DYSF: variants seen among roughly 807,000 people sequenced by gnomAD.
DYSF encodes the protein dystrophy-associated fer-1-like 1.
A neutral mutation model predicts 274.9 loss-of-function variants in DYSF; 212 were observed. The ratio of observed to expected loss-of-function variants is 0.77; its 90% confidence interval spans 0.69 to 0.86. The LOEUF is 0.86. DYSF is among the 40% of genes least tolerant of loss of function. DYSF has a pLI of 0.00. For synonymous variants in DYSF, 1,091 were observed against 1,078.7 expected, an observed-to-expected ratio of 1.01 and a Z score of -0.22; for missense variants, 2,666 against 2,783.2, an observed-to-expected ratio of 0.96 and a Z score of 0.95.
At chr2:71,580,222 C>T (rs2092840612) in intron 30 of DYSF, among the ~76,000 whole-genome samples, 1 of 152,226 alleles carries the variant, frequency 6.6e-6, no homozygotes, top group South Asian at 2.1e-4. Flanking sequence ...CTGGGGCAGT[C>T]GGGCAGCTAG....
intron 44 of DYSF, among the ~76,000 whole-genome samples, chr2:71,660,123 G>T (rs1423654783): frequency 1.3e-5 from 2 of 152,232 alleles, no homozygotes; most frequent in Non-Finnish European, 2.9e-5. Flanking sequence ...TGGCTGAGGG[G>T]TGCTGCTGCT....
chr2:71,601,627 A>G (rs2093553283), intron 35 of DYSF, 99 bp downstream of exon 35: 1 of 1,516,540 alleles, frequency 6.6e-7, no homozygotes, highest in South Asian at 1.1e-5. Context: ...CATTACCGCG[A>G]TCCTGCCTCA....
intron 41 of DYSF, among the ~76,000 whole-genome samples, chr2:71,636,923 A>G (rs1367537242): frequency 6.6e-6 from 1 of 152,108 alleles, no homozygotes; most frequent in Non-Finnish European, 1.5e-5. Context: ...GCGAGGGGAG[A>G]TGCTTCAGGG....
chr2:71,634,404 C>A (rs950379234), intron 41 of DYSF, among the ~76,000 whole-genome samples: 1 of 152,112 alleles, frequency 6.6e-6, no homozygotes, highest in Non-Finnish European at 1.5e-5. Context: ...GCTTTGGCAC[C>A]TCTGAGTTCA....
intron 41 of DYSF, among the ~76,000 whole-genome samples, chr2:71,642,762 A>G (rs1366676546): frequency 6.6e-6 from 1 of 152,208 alleles, no homozygotes; most frequent in Admixed American, 6.5e-5. Context: ...TCTCCCCAGG[A>G]TGCCTGTTCA....
chr2:71,686,738 T>G lies in DYSF; in HGVS notation c.*246T>G. 3.5e-6 allele frequency: 2 copies of G among 567,292 alleles called. No homozygotes were observed. Among genetic ancestry groups the G allele is most frequent in the Non-Finnish European group, 6.4e-6 (2 of 312,900 alleles). 35.1% of individuals were successfully genotyped at this position (567,292 alleles called of 1,614,324 possible). On this transcript the variant is annotated 3_prime_UTR_variant, in exon 56 of 56. Transcript: ENST00000410020. ...CTTTTTTGGATCAGCTCAGACATATTTCAGTATAAAACAGTTGGAACCACA... is the reference window on the plus strand; with the variant it reads ...CTTTTTTGGATCAGCTCAGACATATGTCAGTATAAAACAGTTGGAACCACA...
At chr2:71,560,377 C>A (rs1446019042) in intron 22 of DYSF, among the ~76,000 whole-genome samples, 1 of 85,698 alleles carries the variant, frequency 1.2e-5, no homozygotes, top group Admixed American at 1.2e-4. Flanking sequence ...GACCCGCTTG[C>A]CCCCGCTCTC....
intron 1 of DYSF, among the ~76,000 whole-genome samples, chr2:71,470,291 A>G (rs950659512): frequency 1.4e-4 from 22 of 152,058 alleles, no homozygotes; most frequent in Non-Finnish European, 3.1e-4. Context: ...GTCAGGGAAC[A>G]CTCTTAACTC....
At chr2:71,591,779 C>G (rs143973665) in intron 32 of DYSF, among the ~76,000 whole-genome samples, 1 of 152,206 alleles carries the variant, frequency 6.6e-6, no homozygotes, top group African/African-American at 2.4e-5. Flanking sequence ...CACTCTCCTC[C>G]GCGATGTGGG....
At chr2:71,648,177 AT>A (rs1282686505) in intron 42 of DYSF, among the ~76,000 whole-genome samples, 1 of 152,228 alleles carries the variant, frequency 6.6e-6, no homozygotes, top group Non-Finnish European at 1.5e-5. Context: ...TACTTGAAAA[AT>A]TTTGCCAAGG....
At chr2:71,527,321 C>T (rs570237957) in intron 13 of DYSF, among the ~76,000 whole-genome samples, 1 of 152,294 alleles carries the variant, frequency 6.6e-6, no homozygotes, top group African/African-American at 2.4e-5. Context: ...ACAACTTTTC[C>T]ATAAAGGTAA....
At chr2:71,637,708 G>T (rs947237495) in intron 41 of DYSF, among the ~76,000 whole-genome samples, 2 of 152,168 alleles carry the variant, frequency 1.3e-5, no homozygotes, top group African/African-American at 4.8e-5. Flanking sequence ...GGTGGCACTG[G>T]CCAGAAGTAC....
chr2:71,534,381 C>G (rs960039817), intron 14 of DYSF, among the ~76,000 whole-genome samples: 1 of 152,202 alleles, frequency 6.6e-6, no homozygotes, highest in Non-Finnish European at 1.5e-5. Flanking sequence ...TCCTTATGGA[C>G]TCCAAGGCCA....
At chr2:71,587,257 G>T (rs1160456985) in intron 30 of DYSF, among the ~76,000 whole-genome samples, 1 of 152,214 alleles carries the variant, frequency 6.6e-6, no homozygotes, top group African/African-American at 2.4e-5. Context: ...GGGGCCCAGG[G>T]CTTCCATACC....
intron 3 of DYSF, among the ~76,000 whole-genome samples, chr2:71,491,568 C>G (rs777135843): frequency 4.6e-5 from 7 of 152,210 alleles, no homozygotes; most frequent in Non-Finnish European, 8.8e-5. Flanking sequence ...CCTCCTCCCA[C>G]CCTCCACCCT....
chr2:71,539,324 A>G, intron 17 of DYSF, 85 bp downstream of exon 17: 2 of 1,259,798 alleles, frequency 1.6e-6, no homozygotes, highest in Non-Finnish European at 2.3e-6. Flanking sequence ...TAGTTTTGAG[A>G]GTTTGCAGAA....
chr2:71,686,085 T>C (rs2095353138), intron 55 of DYSF, among the ~76,000 whole-genome samples: 1 of 152,108 alleles, frequency 6.6e-6, no homozygotes, highest in South Asian at 2.1e-4. Flanking sequence ...AGGTCCAGGG[T>C]GCTCAGAGTC....
intron 48 of DYSF, 63 bp from the exon 49 acceptor site, chr2:71,668,691 A>C: frequency 1.3e-6 from 2 of 1,506,798 alleles, no homozygotes; most frequent in South Asian, 2.3e-5. Context: ...GGCCCAGAGC[A>C]GGTGCTTGGT....
intron 1 of DYSF, 87 bp from the exon 2 acceptor site, chr2:71,480,796 A>G: frequency 7.9e-7 from 1 of 1,257,928 alleles, no homozygotes. Context: ...ACCAAGCTGA[A>G]GCACAGGTCT....
Sources: allele counts gnomAD v4.1 joint callset (sites outside exome capture counted in the v4.1 genomes callset), GRCh38; gene constraint gnomAD v4.1.1; transcripts MANE v1.5; gene names NCBI Gene and HGNC (gene_info 2026-07-23, HGNC 2026-07-21).